Variants in ATP6V1B2 observed in about 807,000 individuals in gnomAD.
ATP6V1B2 encodes V-type proton ATPase subunit B, brain isoform.
A neutral mutation model predicts 66.7 loss-of-function variants in ATP6V1B2; 23 were observed. That is an observed-to-expected ratio of 0.34 (90% CI 0.25 to 0.49). The LOEUF (loss-of-function observed/expected upper bound fraction) is 0.49, where lower values mean the gene tolerates loss of function less well. Ranked by LOEUF, ATP6V1B2 falls within the 20% of genes least tolerant of loss-of-function variation. ATP6V1B2 has a pLI of 0.99. For missense variants in ATP6V1B2, 478 were observed against 650.8 expected (o/e 0.73, Z 2.89); for synonymous variants, 278 against 236.7 (o/e 1.17, Z -1.60).
In ATP6V1B2 at chr8:20,204,551, ATC is replaced by A; in HGVS notation, c.192+14_192+15del. The A allele has an allele frequency of 6.2e-7, 1 of 1,604,910 alleles. No individual in the cohort carries two copies. The highest frequency in any genetic ancestry group is 8.5e-7 in the Non-Finnish European group (1 of 1,172,216). ...TAGATCATGTTAAGGTAATACCACT[ATC>A]TGTTTTGGTCTATTTATGTAGTTAA... On this transcript the variant is annotated intron_variant, in intron 2 of 13. Transcript: ENST00000276390.
At chr8:20,211,135 T>G in intron 5 of ATP6V1B2, 42 bp from the exon 6 acceptor site, 1 of 1,592,920 alleles carries the variant, frequency 6.3e-7, no homozygotes, top group Admixed American at 1.9e-5. Flanking sequence ...TCATGAATAA[T>G]GCGGCAACTT....
intron 2 of ATP6V1B2, among the ~76,000 whole-genome samples, chr8:20,205,239 C>T (rs572161111): frequency 1.3e-5 from 2 of 152,154 alleles, no homozygotes; most frequent in East Asian, 1.9e-4. Context: ...CTTTTGGACT[C>T]ATTTTTAAAA....
chr8:20,219,679 C>G (rs1361613084), intron 13 of ATP6V1B2, among the ~76,000 whole-genome samples: 2 of 152,038 alleles, frequency 1.3e-5, no homozygotes, highest in Admixed American at 6.6e-5. Context: ...AAGTTTTCCT[C>G]TAGAGAAAAG....
At chr8:20,199,763 G>C (rs1447799234) in intron 1 of ATP6V1B2, among the ~76,000 whole-genome samples, 1 of 151,700 alleles carries the variant, frequency 6.6e-6, no homozygotes, top group Non-Finnish European at 1.5e-5. Flanking sequence ...GGCGCACGCC[G>C]CCATGCCCGG....
intron 1 of ATP6V1B2, among the ~76,000 whole-genome samples, chr8:20,202,284 G>A (rs906714985): frequency 6.6e-6 from 1 of 152,182 alleles, no homozygotes; most frequent in Non-Finnish European, 1.5e-5. Flanking sequence ...GAGCTAGAGT[G>A]TACACATTCA....
At chr8:20,216,034 A>G (rs1277903091) in intron 10 of ATP6V1B2, 1 of 156,286 alleles carries the variant, frequency 6.4e-6, no homozygotes, top group Non-Finnish European at 1.4e-5. Flanking sequence ...AGTATTTTTA[A>G]TGAATGCAGC....
At chr8:20,220,163 A>G (rs987032756) in intron 13 of ATP6V1B2, 100 bp from the exon 14 acceptor site, 7 of 1,346,272 alleles carry the variant, frequency 5.2e-6, no homozygotes, top group Non-Finnish European at 6.9e-6. Flanking sequence ...TTTTTTCAAT[A>G]TCTATTTAAT....
Position 20,218,223 on chromosome 8 carries a change from C to T in ATP6V1B2, c.1337C>T (p.Ser446Leu), listed in dbSNP as rs1457447198. ...KAVVGEEALT[S>L]DDLLYLEFLQ... ...GTCGTTGGAGAAGAAGCCCTTACCT[C>T]AGATGATCTTCTCTACTTGGAATTT... The change falls in exon 13 of 14, where the codon TCA becomes TTA. Residue 446 changes from serine (S) to leucine (L), a missense_variant. Physicochemically the swap from Ser to Leu is moderately radical, Grantham distance 145. This residue lies in a region of ATP6V1B2 where 326 missense variants were observed against 545.6 expected (regional missense o/e 0.60). Coordinates refer to ENST00000276390, the MANE Select transcript of ATP6V1B2 (RefSeq NM_001693.4). The T allele has an allele frequency of 1.9e-6, 3 of 1,613,446 alleles. No homozygotes were observed. Among genetic ancestry groups the T allele is most frequent in the Non-Finnish European group, 2.5e-6 (3 of 1,179,522 alleles).
At chr8:20,211,571 C>G in intron 6 of ATP6V1B2, 81 bp from the exon 7 acceptor site, 1 of 1,456,300 alleles carries the variant, frequency 6.9e-7, no homozygotes, top group South Asian at 1.3e-5. Flanking sequence ...ATTACGATTC[C>G]AAAAAGTTTA....
chr8:20,208,367 A>G lies in ATP6V1B2; in HGVS notation c.193-1066A>G, dbSNP rs532787327. Among the ~76,000 whole-genome samples the G allele has an allele frequency of 3.3e-5, 5 of 152,366 alleles. No homozygotes were observed. The East Asian group carries it at 5.8e-4, about 18-fold the overall frequency. ...TTTTAACATTAATACTAAGGTGCCCATATCTCCAAAGGGTCTTAAAGCAAT... is the reference window on the plus strand; with the variant it reads ...TTTTAACATTAATACTAAGGTGCCCGTATCTCCAAAGGGTCTTAAAGCAAT... On this transcript the variant is annotated intron_variant, in intron 2 of 13. Transcript: ENST00000276390.
rs764873008 is a variant in ATP6V1B2 at position 20,220,600 on chromosome 8, G to T, written c.*198G>T. On this transcript the variant is annotated 3_prime_UTR_variant, in exon 14 of 14. Coordinates refer to ENST00000276390, the MANE Select transcript of ATP6V1B2 (RefSeq NM_001693.4). ...AGACCTTAAAATATCCCCCTACCTG[G>T]GTCCTCAGTGCTATGTTTAAAGTGC... 2.8e-6 allele frequency: 2 copies of T among 702,972 alleles called. No homozygotes were observed. Among genetic ancestry groups the T allele is most frequent in the Non-Finnish European group, 4.2e-6 (2 of 473,362 alleles). 43.5% of individuals were successfully genotyped at this position (702,972 alleles called of 1,614,324 possible). A position where few individuals can be genotyped will look rare whatever the true frequency, so the allele number is the denominator to read the frequency against.
Position 20,211,193 on chromosome 8 carries a change from T to C in ATP6V1B2, c.480T>C (p.Pro160=). The change falls in exon 6 of 14, where the codon CCT becomes CCC. Residue 160 remains proline, a synonymous_variant. Transcript: ENST00000276390. ...ATACATTAGGTCAGCCAATCAACCC[T>C]CAATGTCGAATCTACCCAGAGGAAA... ...FLDIMGQPIN[P]QCRIYPEEMI... 1 of 1,612,546 alleles carries C rather than the reference T, an allele frequency of 6.2e-7. No individual in the cohort carries two copies. The highest frequency in any genetic ancestry group is 2.2e-5 in the East Asian group (1 of 44,808).
At chr8:20,217,602 C>G (rs879156631) in intron 12 of ATP6V1B2, among the ~76,000 whole-genome samples, 1 of 152,124 alleles carries the variant, frequency 6.6e-6, no homozygotes, top group Non-Finnish European at 1.5e-5. Flanking sequence ...TTTTTATTAG[C>G]AATTTTAATG....
chr8:20,197,561 T>TA lies in ATP6V1B2; in HGVS notation c.136+20dup. On this transcript the variant is annotated intron_variant, in intron 1 of 13. Coordinates refer to ENST00000276390, the MANE Select transcript of ATP6V1B2 (RefSeq NM_001693.4). The stretch of plus-strand genomic sequence containing the variant: ...CGCCTCAGTGAGTATCAGAGAGTAA[T>TA]ACGTCTCCGGTCTTTGCTCCCTAGC... The TA allele has an allele frequency of 7.4e-7, 1 of 1,358,816 alleles. No homozygotes were observed. Among genetic ancestry groups the TA allele is most frequent in the South Asian group, 2.0e-5 (1 of 49,734 alleles). The allele number at this position is 1,358,816 out of a possible 1,614,324, so 84.2% of individuals were successfully genotyped here.
chr8:20,204,580 A>T (rs1202494902), intron 2 of ATP6V1B2, 41 bp downstream of exon 2: 1 of 1,547,916 alleles, frequency 6.5e-7, no homozygotes, highest in African/African-American at 1.4e-5. Flanking sequence ...TGTAGTTAAA[A>T]ATGTGGCATT....
chr8:20,218,556 G>A (rs144349141), intron 13 of ATP6V1B2, among the ~76,000 whole-genome samples: 12 of 152,020 alleles, frequency 7.9e-5, no homozygotes, highest in East Asian at 1.9e-4. Context: ...GCCCCTCTGC[G>A]GTACAACTTC....
chr8:20,218,847 G>T (rs182367213), intron 13 of ATP6V1B2, among the ~76,000 whole-genome samples: 1 of 152,074 alleles, frequency 6.6e-6, no homozygotes. Context: ...CACCGTTGTT[G>T]TTTATGCCAC....
At position 20,221,293 on chromosome 8, in the gene ATP6V1B2, T is replaced by G. The variant is rs1173559754; in HGVS notation, c.*891T>G. 6.6e-6 allele frequency: 1 copy of G among 152,232 alleles called. No homozygotes were observed. The highest frequency in any genetic ancestry group is 1.9e-4 in the East Asian group (1 of 5,192). The allele number at this position is 152,232 out of a possible 1,614,324, so 9.4% of individuals were successfully genotyped here. Reference sequence around the variant, plus strand: ...AGGGGAGGGAGCAGAAGCACTTATGTTTACGGATATTTTAAACTCTGTTAG... The same window carrying G: ...AGGGGAGGGAGCAGAAGCACTTATGGTTACGGATATTTTAAACTCTGTTAG... On this transcript the variant is annotated 3_prime_UTR_variant, in exon 14 of 14. Transcript: ENST00000276390.
chr8:20,203,719 A>G (rs935497576), intron 1 of ATP6V1B2, among the ~76,000 whole-genome samples: 5 of 152,100 alleles, frequency 3.3e-5, no homozygotes, highest in African/African-American at 9.7e-5. Flanking sequence ...TGCAGGTGTG[A>G]TAGGTGAGGG....
Sources: allele counts gnomAD v4.1 joint callset (sites outside exome capture counted in the v4.1 genomes callset), GRCh38; gene constraint gnomAD v4.1.1; regional missense constraint gnomAD v4.1.1; transcripts MANE v1.5; gene names NCBI Gene and HGNC (gene_info 2026-07-23, HGNC 2026-07-21).